FGF13: variants seen among roughly 807,000 people sequenced by gnomAD.
The protein encoded by FGF13 is fibroblast growth factor homologous factor 2.
FGF13 carries 2 observed loss-of-function variants against 19.5 expected under a neutral mutation model. The ratio of observed to expected loss-of-function variants is 0.10; its 90% CI spans 0.04 to 0.32. The LOEUF is 0.32. FGF13 is among the 10% of genes least tolerant of loss of function. The probability of loss-of-function intolerance (pLI) is 1.00; values close to 1 mark genes in which losing one functional copy is unlikely to be tolerated. For missense variants in FGF13, 113 were observed against 192.7 expected (o/e 0.59, Z 2.45); for synonymous variants, 72 against 76.9 (o/e 0.94, Z 0.33).
chrX:139,107,385 A>T (rs1262505375), intron 1 of FGF13, among the ~76,000 whole-genome samples: 1 of 111,765 alleles, frequency 8.9e-6, no homozygotes, highest in Non-Finnish European at 1.9e-5. Context: ...AATGAAGTAG[A>T]CCCCACAGAT....
At chrX:138,638,158 A>C (rs1233606552) in intron 3 of FGF13, among the ~76,000 whole-genome samples, 1 of 111,654 alleles carries the variant, frequency 9.0e-6, no homozygotes, top group Non-Finnish European at 1.9e-5. Context: ...TGCTTTCCTA[A>C]AGCAAAGTTC....
Position 138,925,948 on chromosome X carries a change from C to T in FGF13, c.-112-61298G>A, listed in dbSNP as rs762994464. ...CAGCAACAGCAATGGTCATGGAAAT[C>T]TGGTCTCGATTTTTGGATGAGGGCC... is the stretch of plus-strand genomic sequence containing the variant. On this transcript the variant is annotated intron_variant, in intron 1 of 2. Coordinates refer to the FGF13 transcript ENST00000421460. 2.7e-5 allele frequency among the ~76,000 whole-genome samples: 3 copies of T among 111,968 alleles called. No homozygotes were observed. In the South Asian group the frequency reaches 1.1e-3, roughly 42 times the overall value.
chrX:139,102,093 G>C (rs1250579660), intron 1 of FGF13, among the ~76,000 whole-genome samples: 1 of 112,004 alleles, frequency 8.9e-6, no homozygotes, highest in Non-Finnish European at 1.9e-5. Context: ...AGTTCTTCTA[G>C]TTGTTTGTGT....
chrX:138,924,851 A>C (rs1416455416), intron 1 of FGF13, among the ~76,000 whole-genome samples: 1 of 110,688 alleles, frequency 9.0e-6, no homozygotes, highest in African/African-American at 3.3e-5. Flanking sequence ...AAAAAAAAAA[A>C]AAAAAACCTG....
At chrX:138,865,157 T>G (rs2091310601) in intron 1 of FGF13, among the ~76,000 whole-genome samples, 2 of 112,150 alleles carry the variant, frequency 1.8e-5, no homozygotes, top group Admixed American at 1.9e-4. Flanking sequence ...CCCAGGTTTC[T>G]CTGCCTGTAT....
At chrX:138,720,480 A>T (rs1178279153) in intron 1 of FGF13, among the ~76,000 whole-genome samples, 2 of 112,005 alleles carry the variant, frequency 1.8e-5, no homozygotes, top group African/African-American at 6.5e-5. Flanking sequence ...TACTGCCTTT[A>T]TATTTCATGT....
rs772478215 is a variant in FGF13, at chrX:139,198,815, G to A, written c.-113+4601C>T. On this transcript the variant is annotated intron_variant, in intron 1 of 2. Coordinates refer to the FGF13 transcript ENST00000421460. ...AATTCAAGGAGAAATCGGATCTAAG[G>A]CCTGGAGTGGTGGTCATAATGACTA... Among the ~76,000 whole-genome samples the A allele has an allele frequency of 6.3e-5, 7 of 111,403 alleles. No individual in the cohort carries two copies. In the East Asian group the frequency reaches 1.1e-3, roughly 18 times the overall value.
Position 138,660,085 on chromosome X carries a change from A to T in FGF13, c.403-24430T>A, listed in dbSNP as rs12850549. Among the ~76,000 whole-genome samples, 84 of 111,856 alleles carry T rather than the reference A, an allele frequency of 7.5e-4. 1 individual carries two copies. The highest frequency in any genetic ancestry group is 1.9e-3 in the African/African-American group (58 of 30,837). On this transcript the variant is annotated intron_variant, in intron 3 of 4. Transcript: ENST00000315930. ...AACTTAAAGTATAATATTTTTTTTT[A>T]AAAATGAACATTATAAACATAACCA... is the stretch of plus-strand genomic sequence containing the variant.
intron 1 of FGF13, among the ~76,000 whole-genome samples, chrX:139,079,169 G>C (rs1347582486): frequency 1.8e-5 from 2 of 111,542 alleles, no homozygotes; most frequent in Non-Finnish European, 3.8e-5. Context: ...CCTGGATCTA[G>C]ATGGATATAG....
At chrX:138,805,053 C>T (rs769246031) in intron 3 of FGF13, among the ~76,000 whole-genome samples, 4 of 111,609 alleles carry the variant, frequency 3.6e-5, no homozygotes, top group Non-Finnish European at 7.5e-5. Context: ...TATTTCTTGA[C>T]ACGAATCAAA....
At chrX:138,664,660 T>G (rs1451397473) in intron 3 of FGF13, among the ~76,000 whole-genome samples, 1 of 110,705 alleles carries the variant, frequency 9.0e-6, no homozygotes, top group Non-Finnish European at 1.9e-5. Flanking sequence ...CACTTGGCAG[T>G]TAGAAAATGC....
chrX:138,703,205 A>C, intron 2 of FGF13, 118 bp from the exon 3 acceptor site: 1 of 532,252 alleles, frequency 1.9e-6, no homozygotes, highest in East Asian at 3.5e-5. Context: ...GAGGGTATGC[A>C]TATATGTCTG....
intron 1 of FGF13, among the ~76,000 whole-genome samples, chrX:138,735,221 T>C (rs1366922108): frequency 8.9e-6 from 1 of 112,013 alleles, no homozygotes; most frequent in Non-Finnish European, 1.9e-5. Flanking sequence ...AAAGAACACT[T>C]ATATTTTGTA....
chrX:138,673,638 C>T (rs774390019), intron 3 of FGF13, among the ~76,000 whole-genome samples: 1 of 111,364 alleles, frequency 9.0e-6, no homozygotes, highest in South Asian at 3.8e-4. Context: ...TTTAAGGACC[C>T]CTTTTTCTTT....
chrX:138,799,759 C>CA (rs769166067), intron 3 of FGF13, among the ~76,000 whole-genome samples: 5 of 111,353 alleles, frequency 4.5e-5, no homozygotes, highest in Non-Finnish European at 9.4e-5. Context: ...CATATATATG[C>CA]ACCTATATTG....
intron 1 of FGF13, among the ~76,000 whole-genome samples, chrX:139,004,642 A>G (rs1330380699): frequency 8.9e-6 from 1 of 112,478 alleles, no homozygotes; most frequent in African/African-American, 3.2e-5. Flanking sequence ...GAGGTACTCA[A>G]TTCCAGGCCT....
chrX:138,637,439 TG>T (rs1372783990), intron 3 of FGF13, among the ~76,000 whole-genome samples: 1 of 112,195 alleles, frequency 8.9e-6, no homozygotes, highest in African/African-American at 3.2e-5. Context: ...AAAATATATC[TG>T]GTGAAAAATG....
At chrX:138,639,634 C>G (rs1183241691) in intron 3 of FGF13, among the ~76,000 whole-genome samples, 1 of 111,554 alleles carries the variant, frequency 9.0e-6, no homozygotes, top group Non-Finnish European at 1.9e-5. Flanking sequence ...AATATCTTTC[C>G]TCTGTATAAT....
chrX:139,135,256 A>T (rs2083790625), intron 1 of FGF13, among the ~76,000 whole-genome samples: 1 of 111,182 alleles, frequency 9.0e-6, no homozygotes, highest in African/African-American at 3.3e-5. Flanking sequence ...GAAAGAGCCT[A>T]CCTGCAATTT....
Sources: allele counts gnomAD v4.1 joint callset (sites outside exome capture counted in the v4.1 genomes callset), GRCh38; gene constraint gnomAD v4.1.1; transcripts MANE v1.5; gene names NCBI Gene and HGNC (gene_info 2026-07-23, HGNC 2026-07-21).